SLC45A2: variants seen among roughly 807,000 people sequenced by gnomAD.
SLC45A2 encodes membrane-associated transporter protein.
Under a neutral mutation model 45.5 loss-of-function variants are expected in SLC45A2, and 36 were observed. The ratio of observed to expected loss-of-function variants is 0.79; its 90% CI spans 0.61 to 1.04. The LOEUF (loss-of-function observed/expected upper bound fraction) is 1.04, where lower values mean the gene tolerates loss of function less well. SLC45A2 is among the 50% of genes least tolerant of loss of function. The pLI is 0.00. For synonymous variants in SLC45A2, 306 were observed against 269.3 expected (o/e 1.14, Z -1.33); for missense variants, 719 against 671.0 (o/e 1.07, Z -0.79).
At chr5:33,968,171 T>C (rs1440960361) in intron 2 of SLC45A2, among the ~76,000 whole-genome samples, 6 of 152,178 alleles carry the variant, frequency 3.9e-5, no homozygotes, top group African/African-American at 1.4e-4. Flanking sequence ...TGAGGGCCAG[T>C]AGAGGGCTGC....
chr5:33,959,450 C>G (rs1399973836), intron 3 of SLC45A2, among the ~76,000 whole-genome samples: 1 of 152,076 alleles, frequency 6.6e-6, no homozygotes, highest in East Asian at 1.9e-4. Flanking sequence ...TCCAGGCAGC[C>G]TGGTGTAGGG....
chr5:33,962,605 C>T (rs1752484750), intron 3 of SLC45A2, among the ~76,000 whole-genome samples: 2 of 152,214 alleles, frequency 1.3e-5, no homozygotes, highest in African/African-American at 4.8e-5. Flanking sequence ...GTTGCAAACA[C>T]TCTAAGTAAC....
chr5:33,966,216 G>T (rs576943436), intron 2 of SLC45A2, among the ~76,000 whole-genome samples: 1 of 152,156 alleles, frequency 6.6e-6, no homozygotes, highest in African/African-American at 2.4e-5. Flanking sequence ...GACTAATTTG[G>T]AAAATGGAGT....
chr5:33,971,371 C>A (rs1284617423), intron 2 of SLC45A2: 2 of 491,194 alleles, frequency 4.1e-6, no homozygotes, highest in East Asian at 5.5e-5. Context: ...TTATGTGGAC[C>A]ACCATAAACA....
At position 33,951,617 on chromosome 5, in the gene SLC45A2, T is replaced by C; in HGVS notation, c.1093A>G (p.Arg365Gly). Reference protein sequence around the residue: ...HNSTEFLIYERGVEVGCWGLC... With the variant: ...HNSTEFLIYEGGVEVGCWGLC... Reference sequence around the variant, plus strand: ...CCCCAACATCCAACCTCGACTCCTCTTTCGTAGATGAGAAACTCTGTGGAG... The same window carrying C: ...CCCCAACATCCAACCTCGACTCCTCCTTCGTAGATGAGAAACTCTGTGGAG... Residue 365 changes from arginine (R) to glycine (G), a missense_variant, in exon 5 of 7, where the codon AGA (arginine) becomes GGA (glycine). By Grantham distance (125) the Arg-to-Gly change is moderately radical. Coordinates refer to ENST00000296589, the MANE Select transcript of SLC45A2 (RefSeq NM_016180.5). 2.5e-6 allele frequency: 4 copies of C among 1,614,178 alleles called. No homozygotes were observed. Among genetic ancestry groups the C allele is most frequent in the Non-Finnish European group, 3.4e-6 (4 of 1,180,020 alleles).
intron 4 of SLC45A2, among the ~76,000 whole-genome samples, chr5:33,952,149 C>G (rs1303904412): frequency 6.6e-6 from 1 of 152,104 alleles, no homozygotes; most frequent in Non-Finnish European, 1.5e-5. Flanking sequence ...TTTTAAGAGA[C>G]AGGGTCTTGG....
intron 2 of SLC45A2, among the ~76,000 whole-genome samples, chr5:33,966,427 C>CTTTTTTTTTTTTTT (rs367752652): frequency 1.1e-5 from 1 of 95,196 alleles, no homozygotes; most frequent in Non-Finnish European, 2.0e-5. Context: ...AAGCTACTTT[C>CTTTTTTTTTTTTTT]TTTTTTTTTT....
intron 4 of SLC45A2, among the ~76,000 whole-genome samples, chr5:33,953,621 A>C (rs984775619): frequency 6.9e-6 from 1 of 145,972 alleles, no homozygotes; most frequent in African/African-American, 2.5e-5. Context: ...AAATGTAAAG[A>C]CCATCGAGAC....
intron 5 of SLC45A2, among the ~76,000 whole-genome samples, chr5:33,951,167 C>T (rs900997172): frequency 2.0e-5 from 3 of 152,304 alleles, no homozygotes; most frequent in Middle Eastern, 3.4e-3. Flanking sequence ...ATTAATATTG[C>T]TTCTCTTCTG....
At chr5:33,974,455 A>C (rs892865557) in intron 2 of SLC45A2, among the ~76,000 whole-genome samples, 2 of 128,810 alleles carry the variant, frequency 1.6e-5, no homozygotes, top group Admixed American at 7.6e-5. Flanking sequence ...AGTGAAACAA[A>C]AAAAAAAAAA....
chr5:33,972,239 T>C (rs752955268), intron 2 of SLC45A2: 1 of 521,410 alleles, frequency 1.9e-6, no homozygotes, highest in Non-Finnish European at 3.9e-6. Flanking sequence ...TCAGAGAACT[T>C]TAATGGAGTT....
chr5:33,979,090 T>C (rs1263258867), intron 2 of SLC45A2, among the ~76,000 whole-genome samples: 1 of 152,234 alleles, frequency 6.6e-6, no homozygotes, highest in Non-Finnish European at 1.5e-5. Flanking sequence ...GAGCCAAATA[T>C]GAAGACCATG....
In SLC45A2 at chr5:33,947,093, C is replaced by T. The variant is rs1051889501; in HGVS notation, c.1368+70G>A. On this transcript the variant is annotated intron_variant, in intron 6 of 6. Coordinates refer to ENST00000296589, the MANE Select transcript of SLC45A2 (RefSeq NM_016180.5). ...TTTTCCAGCTCTGCTCTACACATTGCTACCAAATCCTCCCCAGCCTTCAGA... is the reference window on the plus strand; with the variant it reads ...TTTTCCAGCTCTGCTCTACACATTGTTACCAAATCCTCCCCAGCCTTCAGA... 4 of 1,613,894 alleles carry T rather than the reference C, an allele frequency of 2.5e-6. No homozygotes were observed. The South Asian group carries it at 3.3e-5, about 13-fold the overall frequency.
At chr5:33,947,435 C>G (rs1751970964) in intron 5 of SLC45A2, 61 bp from the exon 6 acceptor site, 1 of 1,432,864 alleles carries the variant, frequency 7.0e-7, no homozygotes, top group Non-Finnish European at 9.8e-7. Context: ...TTAATAATTT[C>G]AGACAATCCT....
At chr5:33,980,192 G>A (rs1753034872) in intron 2 of SLC45A2, among the ~76,000 whole-genome samples, 2 of 151,986 alleles carry the variant, frequency 1.3e-5, no homozygotes, top group African/African-American at 4.8e-5. Flanking sequence ...CTATGGGCAA[G>A]TGACTTAATC....
chr5:33,948,925 A>C (rs140032749), intron 5 of SLC45A2, among the ~76,000 whole-genome samples: 1 of 152,372 alleles, frequency 6.6e-6, no homozygotes, highest in East Asian at 1.9e-4. Flanking sequence ...AAGATAATTC[A>C]GTGAACTTCA....
intron 2 of SLC45A2, among the ~76,000 whole-genome samples, chr5:33,973,256 G>A (rs888004476): frequency 1.3e-5 from 2 of 152,132 alleles, no homozygotes; most frequent in African/African-American, 4.8e-5. Flanking sequence ...GATCCCATTT[G>A]AATGGAAAAG....
At chr5:33,981,832 C>T (rs955915858) in intron 2 of SLC45A2, among the ~76,000 whole-genome samples, 2 of 152,188 alleles carry the variant, frequency 1.3e-5, no homozygotes, top group Admixed American at 1.3e-4. Context: ...GTCTGGGCCC[C>T]GCCTTAGACT....
chr5:33,954,831 G>T (rs1430666857), intron 3 of SLC45A2, among the ~76,000 whole-genome samples: 4 of 152,164 alleles, frequency 2.6e-5, no homozygotes. Context: ...CAAGGACAAA[G>T]CTCACAGACA....
Sources: allele counts gnomAD v4.1 joint callset (sites outside exome capture counted in the v4.1 genomes callset), GRCh38; gene constraint gnomAD v4.1.1; transcripts MANE v1.5; gene names NCBI Gene and HGNC (gene_info 2026-07-23, HGNC 2026-07-21).